Variants in LRRC63 observed in about 807,000 individuals in gnomAD.
LRRC63 encodes the protein leucine rich repeat containing 63, also known as leucine-rich repeat-containing protein 63.
In LRRC63, 40 loss-of-function variants were observed where a neutral mutation model predicts 49.5. That is an observed-to-expected ratio of 0.81 (90% CI 0.63 to 1.05). LRRC63 has a LOEUF of 1.05. Among genes scored for constraint, LRRC63 ranks in the 50% least tolerant of loss-of-function variants. The pLI, the probability that LRRC63 is intolerant of heterozygous loss-of-function variation, is 0.00. For missense variants in LRRC63, 636 were observed against 663.1 expected (o/e 0.96, Z 0.45); for synonymous variants, 191 against 221.1 (o/e 0.86, Z 1.21).
chr13:46,229,874 G>T (rs1163253123), intron 4 of LRRC63, among the ~76,000 whole-genome samples: 1 of 152,186 alleles, frequency 6.6e-6, no homozygotes, highest in African/African-American at 2.4e-5. Flanking sequence ...GGTATTTGCT[G>T]CTGGTGAGGG....
chr13:46,262,894 G>C (rs893249456), intron 8 of LRRC63, among the ~76,000 whole-genome samples: 1 of 152,008 alleles, frequency 6.6e-6, no homozygotes, highest in East Asian at 1.9e-4. Context: ...TTCTGATTTA[G>C]TTTTACTACA....
exon 10 of LRRC63, chr13:46,276,836 A>ATATATATATATATATT (rs1161674274): frequency 9.8e-5 from 15 of 153,704 alleles, no homozygotes; most frequent in East Asian, 6.8e-4. Flanking sequence ...GTGTATATAT[A>ATATATATATATATATT]TATATATATA....
chr13:46,218,230 G>A (rs2138354730), intron 2 of LRRC63, among the ~76,000 whole-genome samples: 1 of 152,272 alleles, frequency 6.6e-6, no homozygotes, highest in East Asian at 1.9e-4. Flanking sequence ...TATTGTGTGG[G>A]AGTCTAAGTC....
chr13:46,248,251 G>A (rs1000307669), intron 6 of LRRC63, among the ~76,000 whole-genome samples: 26 of 152,066 alleles, frequency 1.7e-4, no homozygotes, highest in African/African-American at 6.0e-4. Flanking sequence ...AAAGTGAAAT[G>A]ACAGATGTAA....
At chr13:46,218,952 C>T (rs765508618) in intron 2 of LRRC63, among the ~76,000 whole-genome samples, 8 of 152,156 alleles carry the variant, frequency 5.3e-5, no homozygotes, top group African/African-American at 1.7e-4. Context: ...TGGTTTGTAG[C>T]GTTTCTGCAG....
chr13:46,232,139 G>A (rs559330306), intron 4 of LRRC63, among the ~76,000 whole-genome samples: 8 of 152,080 alleles, frequency 5.3e-5, no homozygotes, highest in African/African-American at 1.9e-4. Context: ...AAACAACATC[G>A]GAATTCCACT....
At chr13:46,227,435 A>G in intron 2 of LRRC63, 77 bp from the exon 3 acceptor site, 1 of 1,026,738 alleles carries the variant, frequency 9.7e-7, no homozygotes, top group East Asian at 2.7e-5. Context: ...TGGGTAAAGA[A>G]AAGTGAATGC....
intron 7 of LRRC63, among the ~76,000 whole-genome samples, chr13:46,253,819 A>G (rs1280248995): frequency 6.6e-6 from 1 of 152,168 alleles, no homozygotes; most frequent in Non-Finnish European, 1.5e-5. Flanking sequence ...AGGAGGTTTG[A>G]ATGAAGGAAA....
intron 7 of LRRC63, among the ~76,000 whole-genome samples, chr13:46,261,153 T>C (rs1469594301): frequency 6.6e-6 from 1 of 152,206 alleles, no homozygotes; most frequent in African/African-American, 2.4e-5. Context: ...GGTTCTCACC[T>C]TTAAGTACTT....
At chr13:46,231,115 A>C (rs535078495) in intron 4 of LRRC63, among the ~76,000 whole-genome samples, 1 of 152,278 alleles carries the variant, frequency 6.6e-6, no homozygotes, top group African/African-American at 2.4e-5. Context: ...CTGTTTACCT[A>C]GTCTCTGGGA....
intron 7 of LRRC63, among the ~76,000 whole-genome samples, chr13:46,261,437 C>T (rs1488985435): frequency 4.6e-5 from 7 of 152,116 alleles, no homozygotes; most frequent in Non-Finnish European, 1.0e-4. Flanking sequence ...TTCCACAAGC[C>T]GTGGAATGCC....
rs191099852 is a variant in LRRC63, at chr13:46,253,704, C to G, written c.1226+3213C>G. Among the ~76,000 whole-genome samples, 313 of 152,218 alleles carry G rather than the reference C, an allele frequency of 2.1e-3. 1 individual carries two copies. The highest frequency in any genetic ancestry group is 3.9e-3 in the Non-Finnish European group (268 of 67,974). On this transcript the variant is annotated intron_variant, in intron 7 of 9. Transcript: ENST00000595396. Reference sequence around the variant, plus strand: ...AGGTTTAGGAGTTGGATAGGGACTACATCCCATGAAGCTGTGAGGGTCAGG... The same window carrying G: ...AGGTTTAGGAGTTGGATAGGGACTAGATCCCATGAAGCTGTGAGGGTCAGG...
At chr13:46,219,915 T>C (rs1227486639) in intron 2 of LRRC63, among the ~76,000 whole-genome samples, 3 of 152,348 alleles carry the variant, frequency 2.0e-5, no homozygotes, top group East Asian at 3.9e-4. Flanking sequence ...CCTGTTTGCC[T>C]GGGTATCACC....
At chr13:46,246,730 A>G in intron 6 of LRRC63, 105 bp downstream of exon 6, 1 of 489,354 alleles carries the variant, frequency 2.0e-6, no homozygotes, top group Non-Finnish European at 3.3e-6. Flanking sequence ...AAAGTACTGT[A>G]AATGTATTTT....
chr13:46,246,760 G>C (rs1373978743), intron 6 of LRRC63, 135 bp downstream of exon 6: 1 of 407,250 alleles, frequency 2.5e-6, no homozygotes, highest in African/African-American at 2.1e-5. Flanking sequence ...CTTTTGAATG[G>C]CTTATTTTCA....
chr13:46,273,468 G>A (rs2047787240), intron 9 of LRRC63, among the ~76,000 whole-genome samples: 1 of 151,968 alleles, frequency 6.6e-6, no homozygotes, highest in East Asian at 1.9e-4. Context: ...GGGGCGTGCT[G>A]GCGGGCACCT....
At chr13:46,267,475 C>T (rs558470470) in intron 9 of LRRC63, among the ~76,000 whole-genome samples, 69 of 152,278 alleles carry the variant, frequency 4.5e-4, no homozygotes, top group African/African-American at 1.6e-3. Context: ...TTAGGCTTGT[C>T]GCTTACTTTC....
chr13:46,256,166 A>G (rs986799480), intron 7 of LRRC63, among the ~76,000 whole-genome samples: 1 of 152,250 alleles, frequency 6.6e-6, no homozygotes, highest in Non-Finnish European at 1.5e-5. Context: ...ATGAATACCC[A>G]TGATATACAT....
At chr13:46,265,746 CAGAAGA>C (rs890521138) in intron 8 of LRRC63, among the ~76,000 whole-genome samples, 1 of 152,168 alleles carries the variant, frequency 6.6e-6, no homozygotes, top group Non-Finnish European at 1.5e-5. Flanking sequence ...GTGATTTGCG[CAGAAGA>C]AAAAGGTGAC....
Sources: gnomAD v4.1 joint callset for allele counts (sites outside exome capture counted in the v4.1 genomes callset) on GRCh38, gnomAD v4.1.1 for gene constraint, MANE v1.5 for transcripts, NCBI Gene and HGNC (gene_info 2026-07-23, HGNC 2026-07-21) for gene names.